Variants in TMEM232 observed in about 807,000 individuals in gnomAD.
TMEM232 encodes the protein transmembrane protein 232.
A neutral mutation model predicts 78.8 loss-of-function variants in TMEM232; 80 were observed. That is an observed-to-expected ratio of 1.01 (90% confidence interval 0.85 to 1.22). The LOEUF is 1.22. Ranked by LOEUF, TMEM232 falls within the 50% of genes most tolerant of loss-of-function variation. The pLI is 0.00. For synonymous variants in TMEM232, 297 were observed against 254.3 expected (o/e 1.17, Z -1.60); for missense variants, 881 against 742.2 (o/e 1.19, Z -2.17).
intron 12 of TMEM232, among the ~76,000 whole-genome samples, chr5:110,491,830 T>G (rs1295577466): frequency 1.3e-5 from 2 of 151,716 alleles, no homozygotes; most frequent in Admixed American, 1.3e-4. Flanking sequence ...GTAAACAAAT[T>G]TGAAATATGG....
intron 10 of TMEM232, among the ~76,000 whole-genome samples, chr5:110,575,220 G>T (rs1777440567): frequency 6.6e-6 from 1 of 151,786 alleles, no homozygotes; most frequent in Non-Finnish European, 1.5e-5. Flanking sequence ...TTGTTATTTT[G>T]CATATATCAT....
chr5:110,679,723 A>G (rs936903306), intron 1 of TMEM232, among the ~76,000 whole-genome samples: 17 of 143,532 alleles, frequency 1.2e-4, no homozygotes, highest in African/African-American at 4.2e-4. Flanking sequence ...ATTTATCTCC[A>G]TATTAATTAG....
intron 2 of TMEM232, among the ~76,000 whole-genome samples, chr5:110,414,324 A>G (rs2112586683): frequency 6.6e-6 from 1 of 152,314 alleles, no homozygotes; most frequent in East Asian, 1.9e-4. Flanking sequence ...TCATTGATAT[A>G]TCCCCAGTGA....
chr5:110,477,183 A>C (rs563455984), intron 12 of TMEM232, among the ~76,000 whole-genome samples: 1 of 152,144 alleles, frequency 6.6e-6, no homozygotes, highest in African/African-American at 2.4e-5. Flanking sequence ...CATTAATGTA[A>C]CTTCTACAGA....
chr5:110,650,693 T>A (rs568975455), intron 2 of TMEM232, among the ~76,000 whole-genome samples: 2 of 152,250 alleles, frequency 1.3e-5, no homozygotes, highest in Non-Finnish European at 2.9e-5. Flanking sequence ...TCTGAGAAAC[T>A]GTCCCAGCCT....
chr5:110,563,050 C>G (rs1363059053), intron 11 of TMEM232, among the ~76,000 whole-genome samples: 1 of 151,934 alleles, frequency 6.6e-6, no homozygotes, highest in Non-Finnish European at 1.5e-5. Flanking sequence ...ATCAATATAA[C>G]TGCTTTTAGA....
At chr5:110,527,539 G>A (rs1048131418) in intron 12 of TMEM232, among the ~76,000 whole-genome samples, 2 of 151,900 alleles carry the variant, frequency 1.3e-5, no homozygotes, top group African/African-American at 4.8e-5. Flanking sequence ...TATCCACTGG[G>A]TTAAATTCCT....
intron 12 of TMEM232, among the ~76,000 whole-genome samples, chr5:110,489,002 C>T (rs920728855): frequency 6.6e-6 from 1 of 151,402 alleles, no homozygotes. Flanking sequence ...GAAAATGACA[C>T]GAAAAGAAAT....
chr5:110,434,258 A>G (rs1282431723), intron 12 of TMEM232, among the ~76,000 whole-genome samples: 1 of 151,506 alleles, frequency 6.6e-6, no homozygotes, highest in African/African-American at 2.4e-5. Context: ...GATTCAAATA[A>G]GCAAAATCAG....
chr5:110,603,723 A>G (rs1357387209), intron 10 of TMEM232, among the ~76,000 whole-genome samples: 1 of 152,182 alleles, frequency 6.6e-6, no homozygotes, highest in Non-Finnish European at 1.5e-5. Flanking sequence ...TTAAGAATAA[A>G]GATCTGTTTA....
intron 10 of TMEM232, among the ~76,000 whole-genome samples, chr5:110,588,157 T>C (rs1354035554): frequency 6.6e-6 from 1 of 152,248 alleles, no homozygotes; most frequent in Non-Finnish European, 1.5e-5. Flanking sequence ...CTAATGATTT[T>C]TCTAAGTTAA....
chr5:110,555,286 G>C lies in TMEM232; in HGVS notation c.1455+13161C>G, dbSNP rs1429002040. Among the ~76,000 whole-genome samples the C allele has an allele frequency of 3.3e-5, 5 of 152,184 alleles. No homozygotes were observed. In the East Asian group the frequency reaches 7.7e-4, roughly 24 times the overall value. On this transcript the variant is annotated intron_variant, in intron 11 of 13. Coordinates refer to ENST00000455884, the MANE Select transcript of TMEM232 (RefSeq NM_001039763.4). ...CATTGTTCACCCAAAAATCATTTAG[G>C]AGCAGGTTGCTTAATTTACATGTAA...
intron 10 of TMEM232, among the ~76,000 whole-genome samples, chr5:110,574,650 G>T (rs950368799): frequency 6.6e-6 from 1 of 152,022 alleles, no homozygotes; most frequent in Admixed American, 6.6e-5. Flanking sequence ...CCCAAAAATT[G>T]TAAATTGCAA....
chr5:110,649,116 C>CAA (rs1322505809), intron 2 of TMEM232, among the ~76,000 whole-genome samples: 1 of 152,026 alleles, frequency 6.6e-6, no homozygotes, highest in African/African-American at 2.4e-5. Flanking sequence ...AAAAATTAAA[C>CAA]AAACTGCAAC....
At chr5:110,420,783 C>T (rs756875727) in intron 13 of TMEM232, 27 bp from the exon 14 acceptor site, 78 of 1,484,020 alleles carry the variant, frequency 5.3e-5, no homozygotes, top group Non-Finnish European at 6.5e-5. Flanking sequence ...ACGTCATTCA[C>T]ATGATTTTCC....
At chr5:110,410,994 CCTT>C (rs1190633829) in intron 2 of TMEM232, among the ~76,000 whole-genome samples, 2 of 152,130 alleles carry the variant, frequency 1.3e-5, no homozygotes, top group Non-Finnish European at 2.9e-5. Flanking sequence ...GCCTGTGAGA[CCTT>C]CTTCATCCCT....
intron 1 of TMEM232, among the ~76,000 whole-genome samples, chr5:110,676,713 C>T (rs1366975017): frequency 1.3e-5 from 2 of 151,244 alleles, no homozygotes; most frequent in Non-Finnish European, 1.5e-5. Flanking sequence ...AGTAAGCCAC[C>T]ATGCCGGACC....
chr5:110,694,764 T>C (rs138589735), intron 1 of TMEM232, among the ~76,000 whole-genome samples: 3,216 of 152,124 alleles, frequency 0.021, 54 homozygotes, highest in Admixed American at 0.025. Context: ...ATCCTAAATA[T>C]ATATGCACCC....
At chr5:110,654,230 G>A (rs10045425) in intron 2 of TMEM232, among the ~76,000 whole-genome samples, 14,275 of 152,198 alleles carry the variant, frequency 0.094, 791 homozygotes, top group South Asian at 0.18. Context: ...TCTGATGCCA[G>A]CTGGGCCAAT....
Sources: allele counts gnomAD v4.1 joint callset (sites outside exome capture counted in the v4.1 genomes callset), GRCh38; gene constraint gnomAD v4.1.1; transcripts MANE v1.5; gene names NCBI Gene and HGNC (gene_info 2026-07-23, HGNC 2026-07-21).